SEM1: variants seen among roughly 807,000 people sequenced by gnomAD.
SEM1 encodes SEM1 26S proteasome subunit.
In SEM1, 3 loss-of-function variants were observed where a neutral mutation model predicts 12.7. That is an observed-to-expected ratio of 0.24 (90% CI 0.11 to 0.61). The LOEUF (loss-of-function observed/expected upper bound fraction) is 0.61. SEM1 is among the 20% of genes least tolerant of loss of function. The probability of loss-of-function intolerance (pLI) is 0.88; values close to 1 mark genes in which losing one functional copy is unlikely to be tolerated. For missense variants in SEM1, 59 were observed against 81.3 expected, an observed-to-expected ratio of 0.73 and a Z score of 1.06; for synonymous variants, 30 against 27.8, an observed-to-expected ratio of 1.08 and a Z score of -0.25.
chr7:96,576,181 T>G (rs1806198739), intron 2 of SEM1, among the ~76,000 whole-genome samples: 1 of 152,222 alleles, frequency 6.6e-6, no homozygotes, highest in Admixed American at 6.5e-5. Context: ...TGCTACAGTG[T>G]ATTTATCTTT....
chr7:96,671,375 A>G (rs1055316154), downstream of SEM1, among the ~76,000 whole-genome samples: 2 of 152,158 alleles, frequency 1.3e-5, no homozygotes, highest in Non-Finnish European at 2.9e-5. Context: ...ACCAGCTTTT[A>G]CCCATTTAAT....
chr7:96,569,865 G>A (rs1405162160), intron 2 of SEM1, among the ~76,000 whole-genome samples: 2 of 152,000 alleles, frequency 1.3e-5, no homozygotes, highest in Non-Finnish European at 2.9e-5. Context: ...CAAAAGACAT[G>A]ATTCTTTTTT....
intron 2 of SEM1, among the ~76,000 whole-genome samples, chr7:96,599,871 A>G (rs1025136843): frequency 2.0e-5 from 3 of 152,222 alleles, no homozygotes; most frequent in Admixed American, 2.0e-4. Flanking sequence ...AGCCAAATAT[A>G]CAGATCCATT....
chr7:96,583,014 T>G (rs182839395), intron 2 of SEM1, among the ~76,000 whole-genome samples: 2,255 of 152,178 alleles, frequency 0.015, 51 homozygotes, highest in African/African-American at 0.052. Context: ...CCTTCTGCTA[T>G]CTTTTGAATG....
Position 96,688,838 on chromosome 7 carries a change from T to C in SEM1, c.*86A>G, listed in dbSNP as rs1789840023. Reference sequence around the variant, plus strand: ...CCAAGCAGATAATGAAATAAACACATTTTTTTAGTGTCCCATCCTGGGTTC... The same window carrying C: ...CCAAGCAGATAATGAAATAAACACACTTTTTTAGTGTCCCATCCTGGGTTC... On this transcript the variant is annotated 3_prime_UTR_variant, in exon 3 of 3. Transcript: ENST00000248566. 1.3e-6 allele frequency: 1 copy of C among 755,306 alleles called. No individual in the cohort carries two copies. The highest frequency in any genetic ancestry group is 2.3e-6 in the Non-Finnish European group (1 of 440,266). The allele number at this position is 755,306 out of a possible 1,614,324, so 46.8% of individuals were successfully genotyped here. A position where few individuals can be genotyped will look rare whatever the true frequency, so the allele number is the denominator to read the frequency against.
intron 1 of SEM1, among the ~76,000 whole-genome samples, chr7:96,488,765 G>T (rs1266263812): frequency 1.3e-5 from 2 of 152,102 alleles, no homozygotes; most frequent in East Asian, 3.9e-4. Flanking sequence ...AGTGGTTACT[G>T]TAGCCTCACA....
chr7:96,525,956 TG>T (rs1804451077), intron 2 of SEM1, among the ~76,000 whole-genome samples: 2 of 152,196 alleles, frequency 1.3e-5, no homozygotes, highest in South Asian at 4.1e-4. Context: ...CCAAAAAGGT[TG>T]GGGACCACTG....
Position 96,521,340 on chromosome 7 carries a change from G to A in SEM1, c.171-14642C>T, listed in dbSNP as rs2115633883. ...AAAACACAAGTTTGCTACTTAAAGG[G>A]GAACTGTCAGTCCAAGGTCATCATT... On this transcript the variant is annotated intron_variant and NMD_transcript_variant, in intron 2 of 3. Coordinates refer to the SEM1 transcript ENST00000466986. Among the ~76,000 whole-genome samples the A allele has an allele frequency of 2.0e-5, 3 of 152,110 alleles. No individual in the cohort carries two copies. In the Middle Eastern group the frequency reaches 0.01, roughly 521 times the overall value.
At chr7:96,494,061 AG>A (rs1193922348) in intron 1 of SEM1, among the ~76,000 whole-genome samples, 16 of 152,164 alleles carry the variant, frequency 1.1e-4, no homozygotes, top group Non-Finnish European at 2.1e-4. Flanking sequence ...AAATTGCAAA[AG>A]GTGGAGACAG....
chr7:96,557,770 G>T (rs1455517087), intron 2 of SEM1, among the ~76,000 whole-genome samples: 1 of 151,790 alleles, frequency 6.6e-6, no homozygotes, highest in South Asian at 2.1e-4. Flanking sequence ...CTAGGCAATG[G>T]CGGGCGCCCT....
intron 2 of SEM1, among the ~76,000 whole-genome samples, chr7:96,682,562 T>C (rs1401239208): frequency 6.6e-6 from 1 of 151,710 alleles, no homozygotes; most frequent in African/African-American, 2.4e-5. Context: ...CGTAAAACCA[T>C]AAAAACCCTA....
intron 1 of SEM1, among the ~76,000 whole-genome samples, chr7:96,700,147 AC>A (rs1420586243): frequency 2.0e-5 from 3 of 152,216 alleles, no homozygotes; most frequent in Admixed American, 2.0e-4. Flanking sequence ...ACTTTTCAGT[AC>A]CAGATTTATA....
chr7:96,585,692 G>A (rs62471425), intron 2 of SEM1, among the ~76,000 whole-genome samples: 47,191 of 152,056 alleles, frequency 0.31, 7,376 homozygotes, highest in Middle Eastern at 0.32. Flanking sequence ...TAAGCCCGTC[G>A]GAAAAGTGCA....
chr7:96,561,574 A>G (rs1273665549), intron 2 of SEM1, among the ~76,000 whole-genome samples: 1 of 152,146 alleles, frequency 6.6e-6, no homozygotes, highest in Non-Finnish European at 1.5e-5. Flanking sequence ...TGAATTGATC[A>G]CCCCTACCCT....
At chr7:96,585,212 G>A (rs866556969) in intron 2 of SEM1, among the ~76,000 whole-genome samples, 5 of 152,280 alleles carry the variant, frequency 3.3e-5, no homozygotes, top group South Asian at 2.1e-4. Context: ...CTGCAGGTCT[G>A]TTGGAATACC....
At chr7:96,562,666 A>G (rs776311324) in intron 2 of SEM1, among the ~76,000 whole-genome samples, 8 of 152,130 alleles carry the variant, frequency 5.3e-5, no homozygotes, top group Non-Finnish European at 1.2e-4. Flanking sequence ...GAACCTTACA[A>G]GTGGATAGGA....
intron 2 of SEM1, among the ~76,000 whole-genome samples, chr7:96,568,467 C>T (rs931188716): frequency 6.6e-6 from 1 of 151,708 alleles, no homozygotes; most frequent in African/African-American, 2.4e-5. Flanking sequence ...TTAGGAATTT[C>T]ACACTTTATT....
intron 2 of SEM1, among the ~76,000 whole-genome samples, chr7:96,644,330 T>C (rs1584828913): frequency 6.6e-6 from 1 of 152,248 alleles, no homozygotes; most frequent in African/African-American, 2.4e-5. Flanking sequence ...TTGACCAAGT[T>C]CTATCAGCCT....
intron 2 of SEM1, among the ~76,000 whole-genome samples, chr7:96,555,847 G>T (rs1280386138): frequency 2.0e-5 from 3 of 149,616 alleles, no homozygotes; most frequent in Non-Finnish European, 4.5e-5. Context: ...AGGTCACTCA[G>T]GACTTGCTTT....
Sources: allele counts gnomAD v4.1 joint callset (sites outside exome capture counted in the v4.1 genomes callset), GRCh38; gene constraint gnomAD v4.1.1; transcripts MANE v1.5; gene names NCBI Gene and HGNC (gene_info 2026-07-23, HGNC 2026-07-21).